Variants in VIT observed in about 807,000 individuals in gnomAD.
The protein encoded by VIT is vitrin.
VIT carries 99 observed loss-of-function variants against 78.0 expected under a neutral mutation model. The observed-to-expected ratio is 1.27, with a 90% CI of 1.08 to 1.50. The LOEUF is 1.50. VIT is among the 40% of genes most tolerant of loss of function. The pLI is 0.00. For missense variants in VIT, 1,126 were observed against 875.3 expected, an observed-to-expected ratio of 1.29 and a Z score of -3.61; for synonymous variants, 374 against 334.3, an observed-to-expected ratio of 1.12 and a Z score of -1.29.
chr2:36,744,167 C>T (rs571935273), intron 4 of VIT, among the ~76,000 whole-genome samples: 1 of 152,324 alleles, frequency 6.6e-6, no homozygotes, highest in Non-Finnish European at 1.5e-5. Flanking sequence ...CATAGTATTC[C>T]ATGGTGTATA....
intron 12 of VIT, among the ~76,000 whole-genome samples, chr2:36,796,492 G>A (rs941471889): frequency 5.3e-5 from 8 of 152,190 alleles, no homozygotes; most frequent in African/African-American, 1.9e-4. Flanking sequence ...TGTGGTAGGG[G>A]AAAGAGACAG....
At chr2:36,753,080 A>G (rs751521703) in intron 4 of VIT, among the ~76,000 whole-genome samples, 44 of 152,336 alleles carry the variant, frequency 2.9e-4, no homozygotes, top group Non-Finnish European at 5.0e-4. Flanking sequence ...ATTGGAAACC[A>G]TTATCCTCAG....
chr2:36,753,271 C>CAGGTGA lies in VIT; in HGVS notation c.276-1649_276-1644dup, dbSNP rs1406539747. On this transcript the variant is annotated intron_variant, in intron 4 of 15. Coordinates refer to ENST00000379242, the MANE Select transcript of VIT (RefSeq NM_053276.4). ...ACTAATGGATGCTGGGCCGAATACC[C>CAGGTGA]AGGTGATGGGATGATCTGTGCAGCA... 2.6e-5 allele frequency among the ~76,000 whole-genome samples: 4 copies of CAGGTGA among 152,062 alleles called. No homozygotes were observed. The East Asian group carries it at 5.8e-4, about 22-fold the overall frequency.
At chr2:36,699,820 C>G (rs2148402847) in intron 1 of VIT, among the ~76,000 whole-genome samples, 1 of 152,090 alleles carries the variant, frequency 6.6e-6, no homozygotes, top group Admixed American at 6.5e-5. Flanking sequence ...CATGCGAGGT[C>G]AAGGCAAAAA....
At chr2:36,708,710 T>C (rs1225358386) in intron 1 of VIT, among the ~76,000 whole-genome samples, 1 of 152,152 alleles carries the variant, frequency 6.6e-6, no homozygotes, top group Non-Finnish European at 1.5e-5. Flanking sequence ...TTCATTGTTT[T>C]CCAACCTGCC....
At chr2:36,765,821 G>T (rs1160636249) in intron 6 of VIT, among the ~76,000 whole-genome samples, 1 of 152,262 alleles carries the variant, frequency 6.6e-6, no homozygotes, top group Non-Finnish European at 1.5e-5. Flanking sequence ...CAGTGATGCT[G>T]ATGTCTGACT....
At chr2:36,734,962 G>A (rs1457694111) in intron 3 of VIT, among the ~76,000 whole-genome samples, 2 of 152,010 alleles carry the variant, frequency 1.3e-5, no homozygotes, top group South Asian at 2.1e-4. Context: ...TCAGGAGTTC[G>A]AGACCAGCCT....
At chr2:36,709,987 G>A (rs919573736) in intron 1 of VIT, among the ~76,000 whole-genome samples, 3 of 152,194 alleles carry the variant, frequency 2.0e-5, no homozygotes, top group African/African-American at 7.2e-5. Context: ...AAGAAAGAGT[G>A]ACCTGGAGCA....
In VIT at chr2:36,808,596, G is replaced by A; in HGVS notation, c.1514G>A (p.Cys505Tyr). The A allele has an allele frequency of 6.2e-7, 1 of 1,614,210 alleles. No individual in the cohort carries two copies. The highest frequency in any genetic ancestry group is 8.5e-7 in the Non-Finnish European group (1 of 1,180,042). Residue 505 changes from cysteine (C) to tyrosine (Y), a missense_variant, in exon 15 of 16, where the codon TGC becomes TAC. Transcript: ENST00000379242. ...DTDRLACSKT[C>Y]LNSADIGFVI... Reference sequence around the variant, plus strand: ...GACCGCCTGGCCTGCAGCAAGACCTGCTTGAACTCGGCTGACATTGGCTTC... The same window carrying A: ...GACCGCCTGGCCTGCAGCAAGACCTACTTGAACTCGGCTGACATTGGCTTC...
At position 36,776,005 on chromosome 2, in the gene VIT, T is replaced by G. The variant is rs147910826; in HGVS notation, c.802+938T>G. ...GTTCCTCAGCTATAAAATCGTCAGATTATGGAATTGGAAAGAATTGTATAA... is the reference window on the plus strand; with the variant it reads ...GTTCCTCAGCTATAAAATCGTCAGAGTATGGAATTGGAAAGAATTGTATAA... On this transcript the variant is annotated intron_variant, in intron 9 of 15. Coordinates refer to ENST00000379242, the MANE Select transcript of VIT (RefSeq NM_053276.4). 5.9e-5 allele frequency among the ~76,000 whole-genome samples: 9 copies of G among 152,324 alleles called. No individual in the cohort carries two copies. In the East Asian group the frequency reaches 1.7e-3, roughly 29 times the overall value.
At chr2:36,738,041 C>T (rs556290069) in intron 3 of VIT, among the ~76,000 whole-genome samples, 1 of 152,204 alleles carries the variant, frequency 6.6e-6, no homozygotes, top group Non-Finnish European at 1.5e-5. Context: ...GAAAATTACG[C>T]TAGAAGAGTT....
rs200382457 is a variant in VIT, at chr2:36,805,139, C to CA, written c.1163-291dup. On this transcript the variant is annotated intron_variant, in intron 13 of 15. Transcript: ENST00000379242. ...GCAGCATGGCAAAACCTCGTCTCTACAAAAAAAACACAAAATTAACCAGGT... is the reference window on the plus strand; with the variant it reads ...GCAGCATGGCAAAACCTCGTCTCTACAAAAAAAAACACAAAATTAACCAGGT... 3.5e-3 allele frequency among the ~76,000 whole-genome samples: 525 copies of CA among 151,206 alleles called. 1 individual carries two copies. The highest frequency in any genetic ancestry group is 5.7e-3 in the Non-Finnish European group (385 of 67,762).
At chr2:36,776,865 A>G (rs186684222) in intron 9 of VIT, among the ~76,000 whole-genome samples, 4,397 of 151,278 alleles carry the variant, frequency 0.029, 199 homozygotes, top group African/African-American at 0.095. Context: ...CAAGGAGGGC[A>G]GATCACGAGG....
chr2:36,787,112 C>G lies in VIT; in HGVS notation c.911-17C>G. On this transcript the variant is annotated splice_polypyrimidine_tract_variant and intron_variant, in intron 11 of 15. Transcript: ENST00000379242. ...TGAGAGATCATGAGAATAATAGAGT[C>G]TTTTTCCGTTCCGCAGACTGCAAAA... 6.2e-7 allele frequency: 1 copy of G among 1,613,992 alleles called. No individual in the cohort carries two copies. The highest frequency in any genetic ancestry group is 8.5e-7 in the Non-Finnish European group (1 of 1,179,938).
chr2:36,700,038 G>C (rs1248825254), intron 1 of VIT, among the ~76,000 whole-genome samples: 1 of 151,970 alleles, frequency 6.6e-6, no homozygotes, highest in South Asian at 2.1e-4. Flanking sequence ...AATTATATGT[G>C]ACTATAATAA....
chr2:36,797,106 T>G (rs1233616262), intron 12 of VIT, among the ~76,000 whole-genome samples: 3 of 152,062 alleles, frequency 2.0e-5, no homozygotes, highest in African/African-American at 7.2e-5. Context: ...CCAATTTTTT[T>G]TTTTTTTTGG....
At chr2:36,777,291 C>A (rs143877905) in intron 9 of VIT, among the ~76,000 whole-genome samples, 1 of 151,524 alleles carries the variant, frequency 6.6e-6, no homozygotes, top group Non-Finnish European at 1.5e-5. Context: ...GGCTGAGAAC[C>A]TTTGAGAGTG....
chr2:36,803,234 T>A (rs1307878282), intron 13 of VIT, among the ~76,000 whole-genome samples: 2 of 152,184 alleles, frequency 1.3e-5, no homozygotes, highest in African/African-American at 4.8e-5. Context: ...CTAAAGATAT[T>A]TGTCAGCAGA....
At chr2:36,762,973 G>A (rs1192476570) in intron 6 of VIT, among the ~76,000 whole-genome samples, 2 of 152,054 alleles carry the variant, frequency 1.3e-5, no homozygotes, top group Non-Finnish European at 2.9e-5. Context: ...AGAGCCTTGA[G>A]CTAAATAAAA....
Sources: allele counts gnomAD v4.1 joint callset (sites outside exome capture counted in the v4.1 genomes callset), GRCh38; gene constraint gnomAD v4.1.1; transcripts MANE v1.5; gene names NCBI Gene and HGNC (gene_info 2026-07-23, HGNC 2026-07-21).